Variants in DOK5 observed in about 807,000 individuals in gnomAD.
DOK5 encodes the protein docking protein 5, also known as downstream of tyrosine kinase 5.
In DOK5, 27 loss-of-function variants were observed where a neutral mutation model predicts 43.3. The observed-to-expected ratio is 0.62, with a 90% CI of 0.46 to 0.86. The LOEUF (loss-of-function observed/expected upper bound fraction) is 0.86. DOK5 is among the 40% of genes least tolerant of loss of function. DOK5 has a pLI of 0.00. For missense variants in DOK5, 373 were observed against 392.9 expected (o/e 0.95, Z 0.43); for synonymous variants, 146 against 140.1 (o/e 1.04, Z -0.30).
chr20:54,498,757 A>G (rs752810610), intron 1 of DOK5, among the ~76,000 whole-genome samples: 4 of 152,148 alleles, frequency 2.6e-5, no homozygotes, highest in African/African-American at 4.8e-5. Context: ...ATCATGTTCT[A>G]TTGAGCTTAT....
At chr20:54,515,270 T>C (rs1983159921) in intron 1 of DOK5, among the ~76,000 whole-genome samples, 2 of 152,150 alleles carry the variant, frequency 1.3e-5, no homozygotes, top group African/African-American at 4.8e-5. Context: ...CGCCTCGGCC[T>C]CCCAAAGTGC....
At position 54,490,672 on chromosome 20, in the gene DOK5, G is replaced by A. The variant is rs578022109; in HGVS notation, c.66+14660G>A. Among the ~76,000 whole-genome samples the A allele has an allele frequency of 8.2e-4, 125 of 151,972 alleles. 1 individual carries two copies. The highest frequency in any genetic ancestry group is 6.6e-4 in the Admixed American group (10 of 15,260). ...ACGATATTGGCTCATGGCAACCTCCGCCTCCCGTGTTCAAGCAATTCTCCT... is the reference window on the plus strand; with the variant it reads ...ACGATATTGGCTCATGGCAACCTCCACCTCCCGTGTTCAAGCAATTCTCCT... On this transcript the variant is annotated intron_variant, in intron 1 of 7. Transcript: ENST00000262593.
intron 1 of DOK5, among the ~76,000 whole-genome samples, chr20:54,537,024 C>T (rs1415779652): frequency 6.6e-6 from 1 of 152,194 alleles, no homozygotes; most frequent in Non-Finnish European, 1.5e-5. Context: ...ATCAGCATTG[C>T]CCAGTGGTAA....
intron 1 of DOK5, among the ~76,000 whole-genome samples, chr20:54,514,941 T>C (rs1180912805): frequency 1.3e-5 from 2 of 152,076 alleles, no homozygotes; most frequent in African/African-American, 4.8e-5. Flanking sequence ...TCTTTCTTTT[T>C]CTTTTTTTAA....
At chr20:54,590,361 C>G (rs531678546) in intron 4 of DOK5, among the ~76,000 whole-genome samples, 3 of 152,204 alleles carry the variant, frequency 2.0e-5, no homozygotes, top group Admixed American at 1.3e-4. Flanking sequence ...TGCTATTACT[C>G]TTTTTAAATT....
At chr20:54,548,571 T>C (rs1393683068) in intron 1 of DOK5, among the ~76,000 whole-genome samples, 2 of 152,160 alleles carry the variant, frequency 1.3e-5, no homozygotes, top group Non-Finnish European at 2.9e-5. Context: ...GTGAAACTAT[T>C]ATAGTTCGAA....
intron 1 of DOK5, among the ~76,000 whole-genome samples, chr20:54,540,683 A>AT (rs1984127487): frequency 6.6e-6 from 1 of 151,740 alleles, no homozygotes; most frequent in Non-Finnish European, 1.5e-5. Flanking sequence ...CACCTGGATA[A>AT]TTTTTTTATT....
At chr20:54,526,761 G>A (rs904034138) in intron 1 of DOK5, among the ~76,000 whole-genome samples, 10 of 152,030 alleles carry the variant, frequency 6.6e-5, no homozygotes, top group South Asian at 2.1e-4. Context: ...CTGAACTCCC[G>A]GAGAAAAGAG....
chr20:54,618,311 C>T (rs1251284352), intron 6 of DOK5, among the ~76,000 whole-genome samples: 2 of 151,932 alleles, frequency 1.3e-5, no homozygotes, highest in African/African-American at 4.8e-5. Context: ...TCTTATGTCC[C>T]CACTGAGCAT....
intron 7 of DOK5, among the ~76,000 whole-genome samples, chr20:54,649,058 CAA>C (rs1979578056): frequency 6.6e-6 from 1 of 152,164 alleles, no homozygotes; most frequent in South Asian, 2.1e-4. Flanking sequence ...TTGAGGAAAT[CAA>C]AGAGTGGCAC....
intron 2 of DOK5, among the ~76,000 whole-genome samples, chr20:54,576,329 T>C (rs1423017220): frequency 6.6e-6 from 1 of 152,188 alleles, no homozygotes; most frequent in African/African-American, 2.4e-5. Context: ...AGAAGACTAC[T>C]GCTCAGAAGC....
intron 1 of DOK5, among the ~76,000 whole-genome samples, chr20:54,500,666 A>G (rs956990749): frequency 2.7e-5 from 4 of 149,790 alleles, no homozygotes; most frequent in Non-Finnish European, 4.4e-5. Flanking sequence ...GATTCAAGCG[A>G]TTCTCCTGCC....
chr20:54,534,238 G>A (rs1234100745), intron 1 of DOK5, among the ~76,000 whole-genome samples: 2 of 152,198 alleles, frequency 1.3e-5, no homozygotes, highest in Non-Finnish European at 2.9e-5. Flanking sequence ...CCAGGCGGGA[G>A]TGCAGTGGTG....
chr20:54,565,251 C>A (rs947509327), intron 2 of DOK5, among the ~76,000 whole-genome samples: 1 of 151,960 alleles, frequency 6.6e-6, no homozygotes, highest in Non-Finnish European at 1.5e-5. Context: ...AAATTAGGCA[C>A]AATAAGAGAT....
intron 6 of DOK5, among the ~76,000 whole-genome samples, chr20:54,624,908 T>C (rs2146809672): frequency 6.6e-6 from 1 of 152,288 alleles, no homozygotes; most frequent in South Asian, 2.1e-4. Flanking sequence ...AATGGAGGCA[T>C]TGTTTCTGCC....
rs555266859 is a variant in DOK5, at chr20:54,596,302, C to T, written c.599+4497C>T. ...GTATAATTTTCCCCTTCTCTCACAT[C>T]GAGAAGTGAGCAGGAGTTGTCTGTC... On this transcript the variant is annotated intron_variant, in intron 5 of 7. Transcript: ENST00000262593. Among the ~76,000 whole-genome samples the T allele has an allele frequency of 7.9e-5, 12 of 152,326 alleles. No homozygotes were observed. In the South Asian group the frequency reaches 2.1e-3, roughly 26 times the overall value.
chr20:54,535,529 T>A (rs911894128), intron 1 of DOK5, among the ~76,000 whole-genome samples: 3 of 149,942 alleles, frequency 2.0e-5, no homozygotes, highest in East Asian at 1.9e-4. Context: ...AATTTGGGAT[T>A]TTTTTTTTTG....
At chr20:54,486,523 T>A (rs900117328) in intron 1 of DOK5, among the ~76,000 whole-genome samples, 1 of 152,106 alleles carries the variant, frequency 6.6e-6, no homozygotes, top group East Asian at 1.9e-4. Flanking sequence ...TGTCTATAAC[T>A]ACTAGAAATC....
In DOK5 at chr20:54,643,542, C is replaced by A; in HGVS notation, c.820C>A (p.Arg274=). ...PRSAYWQHIT[R]QHSTGQLYRL... ...CAGCGCCTACTGGCAGCACATCACA[C>A]GGCAGCACAGCACGGGACAGCTCTA... Residue 274 remains arginine (R), a synonymous_variant, in exon 7 of 8, where the codon CGG becomes AGG. Transcript: ENST00000262593. 2 of 1,613,324 alleles carry A rather than the reference C, an allele frequency of 1.2e-6. No homozygotes were observed. Among genetic ancestry groups the A allele is most frequent in the South Asian group, 2.2e-5 (2 of 91,086 alleles).
Sources: gnomAD v4.1 joint callset for allele counts (sites outside exome capture counted in the v4.1 genomes callset) on GRCh38, gnomAD v4.1.1 for gene constraint, MANE v1.5 for transcripts, NCBI Gene and HGNC (gene_info 2026-07-23, HGNC 2026-07-21) for gene names.